FBXL2: variants seen among roughly 807,000 people sequenced by gnomAD.
The protein encoded by FBXL2 is F-box and leucine rich repeat protein 2, also known as F-box/LRR-repeat protein 2.
FBXL2 carries 38 observed loss-of-function variants against 69.2 expected under a neutral mutation model. The observed-to-expected ratio is 0.55, with a 90% CI of 0.42 to 0.72. The LOEUF (loss-of-function observed/expected upper bound fraction) is 0.72, where lower values mean the gene tolerates loss of function less well. FBXL2 is among the 30% of genes least tolerant of loss of function. FBXL2 has a pLI of 0.00. For synonymous variants in FBXL2, 192 were observed against 201.3 expected, an observed-to-expected ratio of 0.95 and a Z score of 0.39; for missense variants, 354 against 520.3, an observed-to-expected ratio of 0.68 and a Z score of 3.11.
intron 1 of FBXL2, among the ~76,000 whole-genome samples, chr3:33,289,449 C>T (rs1158437736): frequency 1.3e-5 from 2 of 151,108 alleles, no homozygotes; most frequent in Admixed American, 6.6e-5. Flanking sequence ...GGTACAAAAT[C>T]ATAATTTTAA....
the FBXL2 span, chr3:33,411,589 A>C: frequency 6.2e-7 from 1 of 1,614,076 alleles, no homozygotes; most frequent in Non-Finnish European, 8.5e-7. Flanking sequence ...ACCTGAATGA[A>C]AGCAGAGGTG....
chr3:33,313,501 A>C (rs993636021), intron 2 of FBXL2, among the ~76,000 whole-genome samples: 1 of 152,142 alleles, frequency 6.6e-6, no homozygotes, highest in Non-Finnish European at 1.5e-5. Context: ...GCTGGAATGT[A>C]GTGGTGTGAT....
chr3:33,287,714 G>A (rs1430631425), intron 1 of FBXL2, among the ~76,000 whole-genome samples: 3 of 152,204 alleles, frequency 2.0e-5, no homozygotes, highest in Non-Finnish European at 4.4e-5. Context: ...TAGTTAGTGA[G>A]TGGCAGAGCC....
intron 1 of FBXL2, among the ~76,000 whole-genome samples, chr3:33,284,891 T>A (rs994603293): frequency 5.3e-5 from 8 of 152,244 alleles, no homozygotes; most frequent in Non-Finnish European, 1.2e-4. Flanking sequence ...GTTTTCCATT[T>A]GCTTGGTAGA....
chr3:33,383,606 CAAT>C (rs952609128), intron 13 of FBXL2: 3 of 233,968 alleles, frequency 1.3e-5, no homozygotes, highest in Non-Finnish European at 2.6e-5. Flanking sequence ...GAGAACTGGC[CAAT>C]AAAACTGCTC....
chr3:33,360,755 A>G (rs1387626578), intron 4 of FBXL2, among the ~76,000 whole-genome samples: 1 of 152,132 alleles, frequency 6.6e-6, no homozygotes, highest in Admixed American at 6.6e-5. Flanking sequence ...TGTGGAGGAC[A>G]TTTAATTTCT....
intron 1 of FBXL2, among the ~76,000 whole-genome samples, chr3:33,287,392 C>G (rs888185786): frequency 1.3e-5 from 2 of 152,190 alleles, no homozygotes; most frequent in African/African-American, 2.4e-5. Flanking sequence ...AACCCATTCT[C>G]TGTATCCAGT....
rs1461967911 is a variant in FBXL2 at position 33,359,258 on chromosome 3, TCTTCCTTTACCTCCCAC to T, written c.121-19_121-3del. 6.3e-7 allele frequency: 1 copy of T among 1,596,262 alleles called. No individual in the cohort carries two copies. Among genetic ancestry groups the T allele is most frequent in the South Asian group, 1.1e-5 (1 of 89,654 alleles). ...AATGTGTTTCTTTCATCCCAATCCC[TCTTCCTTTACCTCCCAC>T]CTTCCAGGCTTGGAACATCTTAGCC... On this transcript the variant is annotated splice_polypyrimidine_tract_variant and splice_region_variant and intron_variant, in intron 3 of 14. Coordinates refer to ENST00000484457, the MANE Select transcript of FBXL2 (RefSeq NM_012157.5).
chr3:33,321,745 A>G (rs2038242776), intron 2 of FBXL2, among the ~76,000 whole-genome samples: 1 of 152,218 alleles, frequency 6.6e-6, no homozygotes, highest in South Asian at 2.1e-4. Context: ...ACACACCTGT[A>G]TGACATGTTA....
chr3:33,323,105 T>C (rs1178217104), intron 2 of FBXL2, among the ~76,000 whole-genome samples: 1 of 152,200 alleles, frequency 6.6e-6, no homozygotes, highest in African/African-American at 2.4e-5. Context: ...AGTTATTTTG[T>C]CCTTTATGGT....
At chr3:33,356,042 A>G (rs912567715) in intron 2 of FBXL2, among the ~76,000 whole-genome samples, 3 of 152,192 alleles carry the variant, frequency 2.0e-5, no homozygotes, top group Admixed American at 6.5e-5. Context: ...TTCAGTAATC[A>G]TAAAACTAGG....
In FBXL2 at chr3:33,284,932, G is replaced by A. The variant is rs1326808771; in HGVS notation, c.3+7417G>A. Among the ~76,000 whole-genome samples, 5 of 152,112 alleles carry A rather than the reference G, an allele frequency of 3.3e-5. No individual in the cohort carries two copies. In the South Asian group the frequency reaches 6.2e-4, roughly 19 times the overall value. Reference sequence around the variant, plus strand: ...CTCCATCCCTTTATTTTGAGCCTATGTGTGTCTCTGCATGTGATATGGGTC... The same window carrying A: ...CTCCATCCCTTTATTTTGAGCCTATATGTGTCTCTGCATGTGATATGGGTC... On this transcript the variant is annotated intron_variant, in intron 1 of 14. Coordinates refer to ENST00000484457, the MANE Select transcript of FBXL2 (RefSeq NM_012157.5).
intron 13 of FBXL2, among the ~76,000 whole-genome samples, chr3:33,380,435 A>G (rs795938): frequency 2.0e-5 from 3 of 151,144 alleles, no homozygotes; most frequent in Non-Finnish European, 3.0e-5. Context: ...GCACATGCCT[A>G]TAATCCCAGC....
chr3:33,375,512 G>A, intron 10 of FBXL2, 94 bp downstream of exon 10: 1 of 1,415,250 alleles, frequency 7.1e-7, no homozygotes, highest in Non-Finnish European at 9.8e-7. Flanking sequence ...GCCAGGTAGT[G>A]GTGGTGGAGG....
At chr3:33,306,456 AT>A (rs2036727061) in intron 2 of FBXL2, among the ~76,000 whole-genome samples, 1 of 152,080 alleles carries the variant, frequency 6.6e-6, no homozygotes, top group Admixed American at 6.6e-5. Context: ...ACTATGTTTC[AT>A]TTCTTTGTAG....
At chr3:33,369,650 T>TCACC (rs1218470242) in intron 5 of FBXL2, among the ~76,000 whole-genome samples, 2 of 152,178 alleles carry the variant, frequency 1.3e-5, no homozygotes, top group African/African-American at 4.8e-5. Context: ...TCTCACTCTG[T>TCACC]CACCCAGGCT....
At chr3:33,409,297 T>C in the FBXL2 span, 3 of 1,614,212 alleles carry the variant, frequency 1.9e-6, no homozygotes, top group Non-Finnish European at 2.5e-6. Flanking sequence ...AGCTGTTCTC[T>C]TCTCCATCTT....
At chr3:33,343,706 A>G (rs540987972) in intron 2 of FBXL2, among the ~76,000 whole-genome samples, 1 of 152,074 alleles carries the variant, frequency 6.6e-6, no homozygotes, top group Non-Finnish European at 1.5e-5. Context: ...TCCAGTTTTT[A>G]AAAAATTTTG....
At chr3:33,293,229 A>G (rs78638117) in intron 1 of FBXL2, among the ~76,000 whole-genome samples, 12,305 of 152,312 alleles carry the variant, frequency 0.081, 543 homozygotes, top group South Asian at 0.11. Context: ...AGCACTTACT[A>G]TATGCCAAGA....
Sources: gnomAD v4.1 joint callset for allele counts (sites outside exome capture counted in the v4.1 genomes callset) on GRCh38, gnomAD v4.1.1 for gene constraint, MANE v1.5 for transcripts, NCBI Gene and HGNC (gene_info 2026-07-23, HGNC 2026-07-21) for gene names.